The following TPCN2 variants were observed in gnomAD, a reference collection of about 807,000 sequenced individuals.
TPCN2 encodes the protein two pore segment channel 2, also known as two pore channel protein 2.
A neutral mutation model predicts 111.4 loss-of-function variants in TPCN2; 92 were observed. That is an observed-to-expected ratio of 0.83 (90% CI 0.70 to 0.98). The LOEUF is 0.98. TPCN2 is among the 50% of genes least tolerant of loss of function. The pLI is 0.00. For missense variants in TPCN2, 995 were observed against 980.1 expected (o/e 1.02, Z -0.20); for synonymous variants, 405 against 414.5 (o/e 0.98, Z 0.28).
chr11:69,085,144 T>G (rs1426037968), intron 19 of TPCN2, 66 bp from the exon 20 acceptor site: 1 of 1,439,538 alleles, frequency 6.9e-7, no homozygotes, highest in African/African-American at 1.4e-5. Flanking sequence ...CGGTTCTGTC[T>G]GGGGAGGGTG....
chr11:69,060,134 G>A (rs1354227840), intron 5 of TPCN2, among the ~76,000 whole-genome samples: 2 of 152,168 alleles, frequency 1.3e-5, no homozygotes, highest in African/African-American at 2.4e-5. Context: ...CCCAGACCTC[G>A]TGCCCAGTCT....
chr11:69,059,178 C>T (rs1854909661), intron 5 of TPCN2, among the ~76,000 whole-genome samples: 1 of 152,160 alleles, frequency 6.6e-6, no homozygotes, highest in South Asian at 2.1e-4. Flanking sequence ...CTTTGGAAGG[C>T]TGGAGTTTTC....
intron 23 of TPCN2, 141 bp from the exon 24 acceptor site, chr11:69,086,971 G>A (rs916398020): frequency 3.0e-6 from 2 of 676,024 alleles, no homozygotes; most frequent in South Asian, 1.8e-5. Context: ...CAGCCTCGTG[G>A]GGCCTGTGCC....
intron 5 of TPCN2, among the ~76,000 whole-genome samples, chr11:69,061,406 G>A (rs1309929513): frequency 6.6e-6 from 1 of 152,208 alleles, no homozygotes; most frequent in East Asian, 1.9e-4. Flanking sequence ...GGAGCTGACA[G>A]CTCTGCGTTT....
rs781062538 is a variant in TPCN2, at chr11:69,072,917, G to C, written c.1146G>C (p.Lys382Asn). The part of the protein sequence containing the change: ...DSSHKQAMME[K>N]VRSYGSVLLS... ...GACCTGTGCTCCTTCCTGTGCAGAA[G>C]GTGCGTTCCTATGGCAGTGTTCTGC... The change falls in exon 13 of 25, where the codon AAG (lysine) becomes AAC (asparagine). Residue 382 changes from lysine (K) to asparagine (N), a missense_variant and splice_region_variant. Transcript: ENST00000294309. 3 of 1,612,082 alleles carry C rather than the reference G, an allele frequency of 1.9e-6. No homozygotes were observed. The South Asian group carries it at 3.3e-5, about 18-fold the overall frequency.
chr11:69,090,072 T>C lies in TPCN2; in HGVS notation c.*2119T>C, dbSNP rs765606758. The stretch of plus-strand genomic sequence containing the variant: ...AAGACCTGTTCTTTTGAATGGAGAG[T>C]AGCATCAGGAACCAGGATGTGGGTG... On this transcript the variant is annotated 3_prime_UTR_variant, in exon 25 of 25. Coordinates refer to ENST00000294309, the MANE Select transcript of TPCN2 (RefSeq NM_139075.4). 3.3e-5 allele frequency: 5 copies of C among 152,094 alleles called. No homozygotes were observed. The highest frequency in any genetic ancestry group is 3.3e-4 in the Admixed American group (5 of 15,268). 9.4% of individuals were successfully genotyped at this position (152,094 alleles called of 1,614,324 possible). A position where few individuals can be genotyped will look rare whatever the true frequency, so the allele number is the denominator to read the frequency against.
At chr11:69,082,988 C>T (rs1590750989) in intron 18 of TPCN2, among the ~76,000 whole-genome samples, 1 of 149,952 alleles carries the variant, frequency 6.7e-6, no homozygotes. Context: ...AACTCGTGCC[C>T]GTGTAAGACG....
intron 23 of TPCN2, 55 bp from the exon 24 acceptor site, chr11:69,087,057 C>T (rs1856316124): frequency 3.3e-6 from 5 of 1,511,712 alleles, no homozygotes; most frequent in African/African-American, 1.4e-5. Context: ...GGGGATGGGG[C>T]AAGGCTGCTT....
intron 7 of TPCN2, among the ~76,000 whole-genome samples, chr11:69,066,869 A>G (rs901056813): frequency 2.6e-5 from 4 of 152,134 alleles, no homozygotes; most frequent in African/African-American, 9.7e-5. Context: ...CCGGAGTCTC[A>G]AGCAGAGTTG....
At chr11:69,075,577 G>A (rs1855717103) in intron 13 of TPCN2, among the ~76,000 whole-genome samples, 1 of 152,222 alleles carries the variant, frequency 6.6e-6, no homozygotes. Flanking sequence ...CTTCAGTTTG[G>A]GAGGCAGATG....
intron 22 of TPCN2, among the ~76,000 whole-genome samples, chr11:69,086,212 G>A (rs976449174): frequency 9.9e-5 from 15 of 152,172 alleles, no homozygotes; most frequent in African/African-American, 3.4e-4. Flanking sequence ...GGGGGTGGGG[G>A]AGCCCCGGGA....
intron 13 of TPCN2, among the ~76,000 whole-genome samples, chr11:69,074,819 G>T (rs898544598): frequency 3.9e-5 from 6 of 152,228 alleles, no homozygotes; most frequent in African/African-American, 1.4e-4. Flanking sequence ...GGTGGTTTTT[G>T]TTCCTCAGGC....
chr11:69,048,946 C>A lies in TPCN2; in HGVS notation c.-52C>A. 8.6e-7 allele frequency: 1 copy of A among 1,157,180 alleles called. No homozygotes were observed. The highest frequency in any genetic ancestry group is 1.1e-6 in the Non-Finnish European group (1 of 917,102). The allele number at this position is 1,157,180 out of a possible 1,614,324, so 71.7% of individuals were successfully genotyped here. On this transcript the variant is annotated 5_prime_UTR_variant, in exon 1 of 25. Coordinates refer to ENST00000294309, the MANE Select transcript of TPCN2 (RefSeq NM_139075.4). ...TCCGCGCCTGCGCAGTGAAGCTGGGCGCCTTCGGGGCTTGAGCTTCTGAGG... is the reference window on the plus strand; with the variant it reads ...TCCGCGCCTGCGCAGTGAAGCTGGGAGCCTTCGGGGCTTGAGCTTCTGAGG...
chr11:69,081,443 C>A lies in TPCN2; in HGVS notation c.1633C>A (p.Arg545Ser). The A allele has an allele frequency of 6.4e-7, 1 of 1,574,106 alleles. No homozygotes were observed. ...CCTGCTGTCGCTGTGGGACATGACC[C>A]GCATGCTGAACATGCTCATCGTGTT... Reference protein sequence around the residue: ...VGLLSLWDMTRMLNMLIVFRF... With the variant: ...VGLLSLWDMTSMLNMLIVFRF... The change falls in exon 18 of 25, where the codon CGC becomes AGC. Residue 545 changes from arginine (R) to serine (S), a missense_variant. By Grantham distance (110) the Arg-to-Ser change is moderately radical. Transcript: ENST00000294309.
chr11:69,060,527 C>T (rs373543038), intron 5 of TPCN2, among the ~76,000 whole-genome samples: 1 of 152,194 alleles, frequency 6.6e-6, no homozygotes, highest in Admixed American at 6.5e-5. Flanking sequence ...GCTGTTTGGA[C>T]GTGGTTTTTC....
At chr11:69,082,399 A>G (rs1465151238) in intron 18 of TPCN2, among the ~76,000 whole-genome samples, 1 of 152,262 alleles carries the variant, frequency 6.6e-6, no homozygotes, top group Non-Finnish European at 1.5e-5. Context: ...TACAATACAC[A>G]TCATCATGCA....
intron 3 of TPCN2, 74 bp from the exon 4 acceptor site, chr11:69,055,101 G>C (rs1240944044): frequency 6.6e-7 from 1 of 1,512,592 alleles, no homozygotes; most frequent in African/African-American, 1.4e-5. Context: ...TTCGGACTGG[G>C]GAAGCTCCTG....
chr11:69,077,638 C>T (rs922984967), intron 13 of TPCN2, among the ~76,000 whole-genome samples: 4 of 152,196 alleles, frequency 2.6e-5, no homozygotes, highest in Non-Finnish European at 5.9e-5. Flanking sequence ...TTTGTAGTTA[C>T]CTGGGGAAAC....
Position 69,078,952 on chromosome 11 carries a change from C to T in TPCN2, c.1471C>T (p.Leu491=). 6.2e-7 allele frequency: 1 copy of T among 1,614,052 alleles called. No homozygotes were observed. The highest frequency in any genetic ancestry group is 2.2e-5 in the East Asian group (1 of 44,882). Residue 491 remains leucine (L), a synonymous_variant, in exon 16 of 25, where the codon CTG becomes TTG. Coordinates refer to ENST00000294309, the MANE Select transcript of TPCN2 (RefSeq NM_139075.4). ...LLEMLLKVFA[L]GLRGYLSYPS... ...GGAGATGCTGCTCAAGGTCTTTGCCCTGGGCCTGCGAGGGTACCTGTCCTA... is the reference window on the plus strand; with the variant it reads ...GGAGATGCTGCTCAAGGTCTTTGCCTTGGGCCTGCGAGGGTACCTGTCCTA...
Sources: gnomAD v4.1 joint callset for allele counts (sites outside exome capture counted in the v4.1 genomes callset) on GRCh38, gnomAD v4.1.1 for gene constraint, MANE v1.5 for transcripts, NCBI Gene and HGNC (gene_info 2026-07-23, HGNC 2026-07-21) for gene names.